DPYD: variants seen among roughly 807,000 people sequenced by gnomAD.
The protein encoded by DPYD is dihydropyrimidine dehydrogenase, also known as dihydropyrimidine dehydrogenase [NADP(+)].
A neutral mutation model predicts 116.2 loss-of-function variants in DPYD; 109 were observed. The ratio of observed to expected loss-of-function variants is 0.94; its 90% CI spans 0.80 to 1.10. The LOEUF (loss-of-function observed/expected upper bound fraction) is 1.10, where lower values mean the gene tolerates loss of function less well. DPYD is among the 50% of genes least tolerant of loss of function. The probability of loss-of-function intolerance (pLI) is 0.00; values close to 1 mark genes in which losing one functional copy is unlikely to be tolerated. For synonymous variants in DPYD, 440 were observed against 432.0 expected, an observed-to-expected ratio of 1.02 and a Z score of -0.23; for missense variants, 1,302 against 1,254.5, an observed-to-expected ratio of 1.04 and a Z score of -0.57.
chr1:97,733,621 G>A (rs191798464), intron 4 of DPYD, among the ~76,000 whole-genome samples: 4 of 151,836 alleles, frequency 2.6e-5, no homozygotes, highest in African/African-American at 9.6e-5. Context: ...GTATTCACCC[G>A]TTTTTATTAC....
intron 14 of DPYD, among the ~76,000 whole-genome samples, chr1:97,416,958 T>C (rs1287256626): frequency 6.6e-6 from 1 of 152,196 alleles, no homozygotes. Flanking sequence ...TCTGGAAAGA[T>C]CTGGAGCCAG....
chr1:97,156,573 T>C lies in DPYD; in HGVS notation c.2622+36496A>G, dbSNP rs1259178392. The stretch of plus-strand genomic sequence containing the variant: ...AAATCAAAACCACAATGAGATACCA[T>C]CCCACACCAGTTAGAATGGCAATCA... On this transcript the variant is annotated intron_variant, in intron 20 of 22. Transcript: ENST00000370192. Among the ~76,000 whole-genome samples the C allele has an allele frequency of 2.0e-5, 3 of 152,096 alleles. No individual in the cohort carries two copies. In the East Asian group the frequency reaches 5.8e-4, roughly 29 times the overall value.
chr1:97,379,914 G>A (rs890503337), intron 15 of DPYD, among the ~76,000 whole-genome samples: 4 of 152,164 alleles, frequency 2.6e-5, no homozygotes, highest in Non-Finnish European at 5.9e-5. Flanking sequence ...CCATATGACT[G>A]AGCAATTGGC....
At chr1:97,278,342 A>G (rs1665090003) in intron 18 of DPYD, among the ~76,000 whole-genome samples, 1 of 152,210 alleles carries the variant, frequency 6.6e-6, no homozygotes, top group Non-Finnish European at 1.5e-5. Flanking sequence ...TCTAATTTTT[A>G]AAAGTTACAT....
At chr1:97,200,662 C>G (rs184821203) in intron 19 of DPYD, among the ~76,000 whole-genome samples, 1 of 152,130 alleles carries the variant, frequency 6.6e-6, no homozygotes, top group Non-Finnish European at 1.5e-5. Flanking sequence ...TCAAAGCATG[C>G]TGTCAAAAAG....
chr1:97,151,658 A>G (rs780646710), intron 20 of DPYD, among the ~76,000 whole-genome samples: 19 of 152,118 alleles, frequency 1.2e-4, no homozygotes, highest in Non-Finnish European at 1.9e-4. Flanking sequence ...CTGGGCTACA[A>G]GAGTGAAAGT....
Position 97,314,434 on chromosome 1 carries a change from T to C in DPYD, c.2059-8137A>G, listed in dbSNP as rs1002307140. On this transcript the variant is annotated intron_variant, in intron 16 of 22. Coordinates refer to ENST00000370192, the MANE Select transcript of DPYD (RefSeq NM_000110.4). ...CAGACAAAATTTCCCTAGTGTACCA[T>C]TCCTCTGACATTCTTAGTGTCAATG... Among the ~76,000 whole-genome samples, 3 of 151,678 alleles carry C rather than the reference T, an allele frequency of 2.0e-5. No individual in the cohort carries two copies. The East Asian group carries it at 5.8e-4, about 29-fold the overall frequency.
Position 97,078,514 on chromosome 1 carries a change from C to G in DPYD, c.*462G>C, listed in dbSNP as rs765158346. ...GGAGCTAACTACATTTTCTTAGAAA[C>G]AGCATTAAAATTAAAGGTAATTTTT... On this transcript the variant is annotated 3_prime_UTR_variant, in exon 23 of 23. Transcript: ENST00000370192. 1 of 180,866 alleles carries G rather than the reference C, an allele frequency of 5.5e-6. No individual in the cohort carries two copies. Among genetic ancestry groups the G allele is most frequent in the Non-Finnish European group, 1.2e-5 (1 of 84,948 alleles). The allele number at this position is 180,866 out of a possible 1,614,324, so 11.2% of individuals were successfully genotyped here. A position where few individuals can be genotyped will look rare whatever the true frequency, so the allele number is the denominator to read the frequency against.
intron 1 of DPYD, among the ~76,000 whole-genome samples, chr1:97,901,122 T>G (rs768101674): frequency 6.6e-6 from 1 of 151,830 alleles, no homozygotes; most frequent in Non-Finnish European, 1.5e-5. Flanking sequence ...CCCCTTCAAG[T>G]GTTTTTCAAG....
chr1:97,257,126 T>C (rs2100833094), intron 18 of DPYD, among the ~76,000 whole-genome samples: 1 of 151,998 alleles, frequency 6.6e-6, no homozygotes, highest in Non-Finnish European at 1.5e-5. Context: ...GATTAGAACA[T>C]TTGGCATTTG....
intron 18 of DPYD, among the ~76,000 whole-genome samples, chr1:97,273,274 G>T (rs1664719751): frequency 6.6e-6 from 1 of 152,090 alleles, no homozygotes; most frequent in Non-Finnish European, 1.5e-5. Flanking sequence ...AATATAGTTT[G>T]CCATGGGCCC....
intron 20 of DPYD, among the ~76,000 whole-genome samples, chr1:97,132,104 C>A (rs1371943662): frequency 6.6e-6 from 1 of 152,016 alleles, no homozygotes; most frequent in Non-Finnish European, 1.5e-5. Context: ...CAAAAACAAA[C>A]CACAAACATA....
In DPYD at chr1:97,657,775, C is replaced by A. The variant is rs149032110; in HGVS notation, c.850+21320G>T. On this transcript the variant is annotated intron_variant, in intron 8 of 22. Coordinates refer to ENST00000370192, the MANE Select transcript of DPYD (RefSeq NM_000110.4). ...ATAATTCAACATCAATAACGTGTTC[C>A]AATTAGAAATATATTTATTATATAA... 2.3e-3 allele frequency among the ~76,000 whole-genome samples: 350 copies of A among 152,124 alleles called. 4 individuals carry two copies. Among genetic ancestry groups the A allele is most frequent in the African/African-American group, 8.1e-3 (335 of 41,508 alleles).
At position 97,343,894 on chromosome 1, in the gene DPYD, G is replaced by A. The variant is rs115082135; in HGVS notation, c.2058+29667C>T. Among the ~76,000 whole-genome samples, 387 of 151,934 alleles carry A rather than the reference G, an allele frequency of 2.5e-3. 1 individual carries two copies. The highest frequency in any genetic ancestry group is 8.9e-3 in the African/African-American group (368 of 41,504). On this transcript the variant is annotated intron_variant, in intron 16 of 22. Transcript: ENST00000370192. ...CTGTAAGTCTTTAAAATTTTAACTC[G>A]TTTATATTTATATCATCACTTACTA...
intron 2 of DPYD, among the ~76,000 whole-genome samples, chr1:97,847,304 A>G (rs1323410250): frequency 1.6e-4 from 24 of 152,228 alleles, no homozygotes; most frequent in Non-Finnish European, 4.4e-5. Context: ...AATTTCTTAA[A>G]TAGAAGGAAT....
rs564057573 is a variant in DPYD, at chr1:97,329,650, A to G, written c.2059-23353T>C. Among the ~76,000 whole-genome samples the G allele has an allele frequency of 3.8e-4, 57 of 150,978 alleles. 1 individual carries two copies. The highest frequency in any genetic ancestry group is 1.3e-3 in the African/African-American group (55 of 41,098). On this transcript the variant is annotated intron_variant, in intron 16 of 22. Transcript: ENST00000370192. ...TGCCTTTAATTCTAGGCACTCGGGA[A>G]GCTGATGCAAGAGAATCTCTTGAAC...
chr1:97,580,568 A>C (rs894798702), intron 10 of DPYD, among the ~76,000 whole-genome samples: 1 of 152,214 alleles, frequency 6.6e-6, no homozygotes, highest in Non-Finnish European at 1.5e-5. Flanking sequence ...TGTAGGTAAT[A>C]ATGTATGACA....
At chr1:97,804,178 A>C (rs1667970827) in intron 3 of DPYD, among the ~76,000 whole-genome samples, 1 of 151,742 alleles carries the variant, frequency 6.6e-6, no homozygotes, top group Non-Finnish European at 1.5e-5. Context: ...TCTCTGAGGG[A>C]AAAACAAGAG....
At chr1:97,296,995 T>C (rs1200913431) in intron 18 of DPYD, among the ~76,000 whole-genome samples, 1 of 152,186 alleles carries the variant, frequency 6.6e-6, no homozygotes, top group Non-Finnish European at 1.5e-5. Context: ...GATTATGTCT[T>C]TTGCTAGCAC....
Sources: gnomAD v4.1 joint callset for allele counts (sites outside exome capture counted in the v4.1 genomes callset) on GRCh38, gnomAD v4.1.1 for gene constraint, MANE v1.5 for transcripts, NCBI Gene and HGNC (gene_info 2026-07-23, HGNC 2026-07-21) for gene names.